The following ABCC9 variants were observed in gnomAD, a reference collection of about 807,000 sequenced individuals.
The protein encoded by ABCC9 is ATP-binding cassette sub-family C member 9.
A neutral mutation model predicts 188.3 loss-of-function variants in ABCC9; 95 were observed. The ratio of observed to expected loss-of-function variants is 0.50; its 90% confidence interval spans 0.43 to 0.60. The LOEUF is 0.60. Among genes scored for constraint, ABCC9 ranks in the 20% least tolerant of loss-of-function variants. ABCC9 has a pLI of 0.00. For missense variants in ABCC9, 1,102 were observed against 1,876.3 expected (o/e 0.59, Z 7.62); for synonymous variants, 659 against 652.7 (o/e 1.01, Z -0.15).
chr12:21,902,068 G>A (rs1011207440), intron 12 of ABCC9, among the ~76,000 whole-genome samples: 25 of 152,148 alleles, frequency 1.6e-4, no homozygotes, highest in Admixed American at 7.2e-4. Flanking sequence ...CTCAGCAAAT[G>A]TAAAAGAACA....
rs757419477 is a variant in ABCC9, at chr12:21,862,999, T to C, written c.2293A>G (p.Thr765Ala). The change falls in exon 20 of 40, where the codon ACA becomes GCA. Residue 765 changes from threonine to alanine, a missense_variant. By Grantham distance (58) the Thr-to-Ala change is moderately conservative. This residue lies in a region of ABCC9 where 258 missense variants were observed against 325.6 expected (regional missense o/e 0.79). Coordinates refer to ENST00000261200, the MANE Select transcript of ABCC9 (RefSeq NM_020297.4). ...AAQKPWLLNA[T>A]VEENITFGSP... ...CCAAAAGTAATATTTTCTTCTACTGTAGCATTTAATAGCCAAGGCTTTTGA... is the reference window on the plus strand; with the variant it reads ...CCAAAAGTAATATTTTCTTCTACTGCAGCATTTAATAGCCAAGGCTTTTGA... 6.2e-7 allele frequency: 1 copy of C among 1,612,944 alleles called. No homozygotes were observed. Among genetic ancestry groups the C allele is most frequent in the Non-Finnish European group, 8.5e-7 (1 of 1,179,276 alleles).
intron 12 of ABCC9, among the ~76,000 whole-genome samples, chr12:21,902,988 A>C (rs956720241): frequency 6.6e-6 from 1 of 152,136 alleles, no homozygotes; most frequent in Non-Finnish European, 1.5e-5. Flanking sequence ...ACACACACAC[A>C]AAAAAGAGAA....
chr12:21,844,578 A>C, intron 27 of ABCC9, 26 bp from the exon 28 acceptor site: 1 of 1,605,872 alleles, frequency 6.2e-7, no homozygotes, highest in Non-Finnish European at 8.5e-7. Context: ...ATGGAAGTAT[A>C]TGATAATACT....
At chr12:21,879,835 C>G (rs1228385696) in intron 16 of ABCC9, among the ~76,000 whole-genome samples, 2 of 151,510 alleles carry the variant, frequency 1.3e-5, no homozygotes, top group African/African-American at 4.9e-5. Context: ...CCCCAAGGGT[C>G]CAAGTATAGC....
At chr12:21,817,972 G>A (rs1165026449) in intron 32 of ABCC9, among the ~76,000 whole-genome samples, 178 bp downstream of exon 32, 1 of 151,964 alleles carries the variant, frequency 6.6e-6, no homozygotes, top group Non-Finnish European at 1.5e-5. Context: ...ATGATGGTTT[G>A]CTGCACCTAT....
At chr12:21,869,136 C>T (rs148164560) in intron 18 of ABCC9, among the ~76,000 whole-genome samples, 93 of 152,288 alleles carry the variant, frequency 6.1e-4, no homozygotes, top group African/African-American at 9.4e-4. Flanking sequence ...AAGAAAACTT[C>T]GGTCCTTTCT....
chr12:21,891,647 G>A (rs973551677), intron 14 of ABCC9, among the ~76,000 whole-genome samples: 4 of 152,190 alleles, frequency 2.6e-5, no homozygotes, highest in Non-Finnish European at 4.4e-5. Context: ...TCCTCCGGTA[G>A]AGAAGTTTAC....
At chr12:21,865,577 C>A (rs1945736066) in intron 18 of ABCC9, among the ~76,000 whole-genome samples, 1 of 152,042 alleles carries the variant, frequency 6.6e-6, no homozygotes, top group Non-Finnish European at 1.5e-5. Flanking sequence ...TTGAGGAAGA[C>A]AGGGAAGAGA....
At chr12:21,870,199 T>C (rs191729743) in intron 18 of ABCC9, among the ~76,000 whole-genome samples, 2 of 152,106 alleles carry the variant, frequency 1.3e-5, no homozygotes, top group Non-Finnish European at 2.9e-5. Flanking sequence ...ATTGAAGACA[T>C]TAAGAATTAA....
intron 12 of ABCC9, among the ~76,000 whole-genome samples, chr12:21,903,189 A>G (rs1947857308): frequency 6.6e-6 from 1 of 152,234 alleles, no homozygotes; most frequent in Non-Finnish European, 1.5e-5. Flanking sequence ...CCACATGATT[A>G]TCTCAGTAGA....
intron 20 of ABCC9, among the ~76,000 whole-genome samples, chr12:21,861,823 G>C (rs1001888085): frequency 2.0e-5 from 3 of 152,202 alleles, no homozygotes; most frequent in East Asian, 3.9e-4. Context: ...GTTCATTATG[G>C]CTAAAGCAGA....
chr12:21,860,922 A>T, intron 21 of ABCC9, 49 bp downstream of exon 21: 4 of 1,382,520 alleles, frequency 2.9e-6, no homozygotes, highest in Non-Finnish European at 4.1e-6. Flanking sequence ...CAACCAGAAG[A>T]CTTTTCTAGA....
At chr12:21,903,162 A>C (rs1446923586) in intron 12 of ABCC9, among the ~76,000 whole-genome samples, 1 of 152,096 alleles carries the variant, frequency 6.6e-6, no homozygotes, top group South Asian at 2.1e-4. Flanking sequence ...GCATATAAAC[A>C]GAACCAAAGA....
chr12:21,840,209 A>G (rs986255723), intron 29 of ABCC9, among the ~76,000 whole-genome samples: 1 of 152,194 alleles, frequency 6.6e-6, no homozygotes, highest in African/African-American at 2.4e-5. Context: ...CTAGTTTCCC[A>G]CTTAAGTTCT....
intron 2 of ABCC9, among the ~76,000 whole-genome samples, chr12:21,939,352 C>A (rs914775652): frequency 1.3e-5 from 2 of 152,154 alleles, no homozygotes; most frequent in Non-Finnish European, 1.5e-5. Context: ...AACAGCCAGC[C>A]TCCATTACAA....
chr12:21,799,651 G>A lies in ABCC9; in HGVS notation c.*1393C>T, dbSNP rs1405507722. The A allele has an allele frequency of 6.6e-6, 1 of 152,096 alleles. No homozygotes were observed. Among genetic ancestry groups the A allele is most frequent in the Non-Finnish European group, 1.5e-5 (1 of 67,998 alleles). The allele number at this position is 152,096 out of a possible 1,614,324, so 9.4% of individuals were successfully genotyped here. On this transcript the variant is annotated 3_prime_UTR_variant, in exon 40 of 40. Transcript: ENST00000261200. ...CAACTATTACATATTTTCCAAGAGT[G>A]AATACACCATACAATAAACAGAACA...
chr12:21,852,032 G>A (rs1944995344), intron 24 of ABCC9, 65 bp downstream of exon 24: 4 of 1,584,166 alleles, frequency 2.5e-6, no homozygotes, highest in Non-Finnish European at 3.5e-6. Context: ...AGCATTCTTA[G>A]TAATTAGTAA....
intron 12 of ABCC9, among the ~76,000 whole-genome samples, chr12:21,899,878 C>A (rs1164974040): frequency 6.6e-6 from 1 of 152,214 alleles, no homozygotes; most frequent in Non-Finnish European, 1.5e-5. Flanking sequence ...GACTCCACCT[C>A]TGGGGGCAGG....
chr12:21,870,712 T>A (rs1946026425), intron 18 of ABCC9, among the ~76,000 whole-genome samples: 2 of 152,220 alleles, frequency 1.3e-5, no homozygotes. Flanking sequence ...AGTACATGCA[T>A]TTCTGTCTAT....
Sources: allele counts gnomAD v4.1 joint callset (sites outside exome capture counted in the v4.1 genomes callset), GRCh38; gene constraint gnomAD v4.1.1; regional missense constraint gnomAD v4.1.1; transcripts MANE v1.5; gene names NCBI Gene and HGNC (gene_info 2026-07-23, HGNC 2026-07-21).